Variants in NOL4 observed in about 807,000 individuals in gnomAD.
NOL4 encodes the protein cancer/testis antigen 125.
NOL4 carries 17 observed loss-of-function variants against 75.9 expected under a neutral mutation model. That is an observed-to-expected ratio of 0.22 (90% CI 0.15 to 0.34). NOL4 has a LOEUF of 0.34. Ranked by LOEUF, NOL4 falls within the 10% of genes least tolerant of loss-of-function variation. The pLI is 1.00. For missense variants in NOL4, 614 were observed against 793.5 expected (o/e 0.77, Z 2.72); for synonymous variants, 292 against 289.9 (o/e 1.01, Z -0.07).
intron 9 of NOL4, among the ~76,000 whole-genome samples, chr18:33,890,706 T>C (rs987900146): frequency 3.9e-5 from 6 of 152,114 alleles, no homozygotes; most frequent in Non-Finnish European, 8.8e-5. Flanking sequence ...TTTTATATTA[T>C]AGATAGTAAG....
At chr18:33,970,981 G>A (rs1010447109) in intron 6 of NOL4, among the ~76,000 whole-genome samples, 3 of 152,106 alleles carry the variant, frequency 2.0e-5, no homozygotes, top group African/African-American at 7.2e-5. Context: ...AATAAAAGAA[G>A]GAAAAGGTGG....
rs541863720 is a variant in NOL4 at position 34,084,958 on chromosome 18, G to A, written c.772+8507C>T. ...AGCTGACCCAAATTAGTACAAGAAA[G>A]TTATAAAGGAACACAGCATGGTGTT... On this transcript the variant is annotated intron_variant, in intron 5 of 10. Coordinates refer to ENST00000261592, the MANE Select transcript of NOL4 (RefSeq NM_003787.5). Among the ~76,000 whole-genome samples, 4 of 152,276 alleles carry A rather than the reference G, an allele frequency of 2.6e-5. No homozygotes were observed. In the South Asian group the frequency reaches 8.3e-4, roughly 32 times the overall value.
chr18:34,055,094 T>C (rs1241170384), intron 5 of NOL4, among the ~76,000 whole-genome samples: 2 of 151,558 alleles, frequency 1.3e-5, no homozygotes, highest in Non-Finnish European at 2.9e-5. Flanking sequence ...CATCTTTATG[T>C]ATTTTATATC....
At chr18:33,911,496 A>G (rs1391745631) in intron 9 of NOL4, among the ~76,000 whole-genome samples, 1 of 152,132 alleles carries the variant, frequency 6.6e-6, no homozygotes, top group African/African-American at 2.4e-5. Context: ...TCTTCCACTT[A>G]TTTAAAAAAG....
At chr18:34,059,122 CATATATATATATATATATATAT>C (rs55773398) in intron 5 of NOL4, among the ~76,000 whole-genome samples, 33 of 118,210 alleles carry the variant, frequency 2.8e-4, no homozygotes, top group South Asian at 6.4e-4. Flanking sequence ...GATAGATATA[CATATATATATATATATATATAT>C]ATATATATAT....
At chr18:33,895,808 C>T (rs756741352) in intron 9 of NOL4, among the ~76,000 whole-genome samples, 2 of 152,008 alleles carry the variant, frequency 1.3e-5, no homozygotes, top group Non-Finnish European at 2.9e-5. Flanking sequence ...TTAACCAGAA[C>T]AATTAGGCAA....
At chr18:34,043,962 T>A (rs1223480283) in intron 5 of NOL4, among the ~76,000 whole-genome samples, 1 of 152,052 alleles carries the variant, frequency 6.6e-6, no homozygotes, top group Non-Finnish European at 1.5e-5. Context: ...ATGGGATAAA[T>A]AAAAAGAGTT....
intron 6 of NOL4, among the ~76,000 whole-genome samples, chr18:34,007,791 T>C (rs770764899): frequency 1.3e-5 from 2 of 152,046 alleles, no homozygotes; most frequent in Non-Finnish European, 2.9e-5. Flanking sequence ...ACGTGTAGTA[T>C]AGTTGTATCA....
In NOL4 at chr18:34,104,131, G is replaced by A. The variant is rs2079160208; in HGVS notation, c.555C>T (p.Thr185=). Reference sequence around the variant, plus strand: ...TTGGCATGTTGTAGTCAATCATGCTGGTCACCAAAGTGGGAGGTTTTCCAT... The same window carrying A: ...TTGGCATGTTGTAGTCAATCATGCTAGTCACCAAAGTGGGAGGTTTTCCAT... ...KDNGKPPTLV[T]SMIDYNMPIT... The change falls in exon 4 of 11, where the codon ACC becomes ACT. Residue 185 remains threonine (T), a synonymous_variant. Transcript: ENST00000261592. The A allele has an allele frequency of 6.2e-7, 1 of 1,610,450 alleles. No individual in the cohort carries two copies. The highest frequency in any genetic ancestry group is 8.5e-7 in the Non-Finnish European group (1 of 1,177,336).
chr18:34,018,879 G>A (rs184496262), intron 6 of NOL4, among the ~76,000 whole-genome samples: 26 of 152,112 alleles, frequency 1.7e-4, no homozygotes, highest in Non-Finnish European at 2.2e-4. Context: ...ACTGATCAAA[G>A]TCCCCAGGTC....
chr18:34,222,640 A>G (rs2037401026), intron 1 of NOL4, among the ~76,000 whole-genome samples: 1 of 152,216 alleles, frequency 6.6e-6, no homozygotes, highest in Admixed American at 6.5e-5. Flanking sequence ...GACACGCGCC[A>G]GGCGCCCAGA....
At chr18:33,885,811 G>T (rs577664160) in intron 9 of NOL4, among the ~76,000 whole-genome samples, 1 of 152,196 alleles carries the variant, frequency 6.6e-6, no homozygotes, top group South Asian at 2.1e-4. Flanking sequence ...CCAGCAATCC[G>T]ACTGTGGGTT....
intron 6 of NOL4, among the ~76,000 whole-genome samples, chr18:33,997,366 G>T (rs1412079381): frequency 6.6e-6 from 1 of 151,726 alleles, no homozygotes; most frequent in Non-Finnish European, 1.5e-5. Context: ...CATTCACATT[G>T]TCAAAGATGG....
rs2076589254 is a variant in NOL4, at chr18:34,050,664, A to G, written c.773-31063T>C. Among the ~76,000 whole-genome samples, 5 of 152,086 alleles carry G rather than the reference A, an allele frequency of 3.3e-5. No homozygotes were observed. The South Asian group carries it at 1.0e-3, about 31-fold the overall frequency. ...CTGCAAGAAATTCTATAGTTTTTAA[A>G]TTTTTCCTCATGTATTATTTTTATG... On this transcript the variant is annotated intron_variant, in intron 5 of 10. Transcript: ENST00000261592.
intron 9 of NOL4, among the ~76,000 whole-genome samples, chr18:33,887,368 T>G (rs2064809130): frequency 6.6e-6 from 1 of 151,226 alleles, no homozygotes; most frequent in Non-Finnish European, 1.5e-5. Flanking sequence ...ATTATTATAT[T>G]TTAATTCTGA....
intron 1 of NOL4, among the ~76,000 whole-genome samples, chr18:34,143,795 G>A (rs1185624826): frequency 6.7e-6 from 1 of 149,420 alleles, no homozygotes; most frequent in Non-Finnish European, 1.5e-5. Flanking sequence ...AACCTAGGGA[G>A]TGGAGGTTGC....
At chr18:34,084,746 T>A (rs4239386) in intron 5 of NOL4, among the ~76,000 whole-genome samples, 44,251 of 152,016 alleles carry the variant, frequency 0.29, 7,667 homozygotes, top group East Asian at 0.45. Flanking sequence ...TTTCTTTATA[T>A]CACCCACAAT....
In NOL4 at chr18:34,055,195, A is replaced by C. The variant is rs559824723; in HGVS notation, c.773-35594T>G. On this transcript the variant is annotated intron_variant, in intron 5 of 10. Coordinates refer to ENST00000261592, the MANE Select transcript of NOL4 (RefSeq NM_003787.5). ...TAAATTTGTGCACCAAAATTATAAT[A>C]ATACTAGTTCCTATATGTGGCCATG... Among the ~76,000 whole-genome samples the C allele has an allele frequency of 1.6e-4, 25 of 152,042 alleles. No individual in the cohort carries two copies. The East Asian group carries it at 4.8e-3, about 29-fold the overall frequency.
At position 33,945,471 on chromosome 18, in the gene NOL4, T is replaced by C. The variant is rs560253849; in HGVS notation, c.1429-2293A>G. Among the ~76,000 whole-genome samples, 289 of 151,936 alleles carry C rather than the reference T, an allele frequency of 1.9e-3. 8 individuals carry two copies. In the South Asian group the frequency reaches 0.031, roughly 16 times the overall value. On this transcript the variant is annotated intron_variant, in intron 8 of 10. Coordinates refer to ENST00000261592, the MANE Select transcript of NOL4 (RefSeq NM_003787.5). The stretch of plus-strand genomic sequence containing the variant: ...CTTATTAATTTTTAAAAACAACTTT[T>C]ACTACTCAACTTCTACTAAAGCAGT...
Sources: gnomAD v4.1 joint callset for allele counts (sites outside exome capture counted in the v4.1 genomes callset) on GRCh38, gnomAD v4.1.1 for gene constraint, MANE v1.5 for transcripts, NCBI Gene and HGNC (gene_info 2026-07-23, HGNC 2026-07-21) for gene names.